The following CCDC32 variants were observed in gnomAD, a reference collection of about 807,000 sequenced individuals.
The protein encoded by CCDC32 is coiled-coil domain containing 32.
A neutral mutation model predicts 20.1 loss-of-function variants in CCDC32; 9 were observed. The ratio of observed to expected loss-of-function variants is 0.45; its 90% CI spans 0.27 to 0.78. The LOEUF is 0.78. Among genes scored for constraint, CCDC32 ranks in the 30% least tolerant of loss-of-function variants. The pLI is 0.16. For missense variants in CCDC32, 204 were observed against 215.5 expected (o/e 0.95, Z 0.33); for synonymous variants, 63 against 79.0 (o/e 0.80, Z 1.07).
intron 3 of CCDC32, among the ~76,000 whole-genome samples, chr15:40,541,367 C>CT (rs1366593091): frequency 6.7e-6 from 1 of 149,728 alleles, no homozygotes; most frequent in Non-Finnish European, 1.5e-5. Context: ...GAGTCTCGCT[C>CT]TGTCACCCAG....
downstream of CCDC32, chr15:40,535,159 T>G (rs1889057227): frequency 9.0e-7 from 1 of 1,110,996 alleles, no homozygotes; most frequent in Non-Finnish European, 1.3e-6. Flanking sequence ...TCAGGAAGAT[T>G]AACGTGACGG....
At chr15:40,544,525 A>G (rs1053137421) in intron 3 of CCDC32, among the ~76,000 whole-genome samples, 1 of 152,138 alleles carries the variant, frequency 6.6e-6, no homozygotes. Flanking sequence ...GCCCCCTGGC[A>G]TCTATTATAT....
chr15:40,527,853 A>G (rs1894918804), downstream of CCDC32, among the ~76,000 whole-genome samples: 1 of 152,208 alleles, frequency 6.6e-6, no homozygotes, highest in Non-Finnish European at 1.5e-5. Flanking sequence ...AAGAGTAAGA[A>G]ATACACTTCT....
intron 3 of CCDC32, among the ~76,000 whole-genome samples, chr15:40,546,535 T>A (rs1889626301): frequency 6.6e-6 from 1 of 151,906 alleles, no homozygotes; most frequent in African/African-American, 2.4e-5. Context: ...AAATTCCCTA[T>A]CTGTTCATGC....
At position 40,564,745 on chromosome 15, in the gene CCDC32, C is replaced by G. The variant is rs764200164; in HGVS notation, c.-13+231G>C. On this transcript the variant is annotated intron_variant, in intron 1 of 3. Transcript: ENST00000416810. ...CAACCCGAATTCGTCTAAAGCCACC[C>G]AAAACCAAAACTTTGCTCACACCAG... 4 of 1,614,042 alleles carry G rather than the reference C, an allele frequency of 2.5e-6. No individual in the cohort carries two copies. The African/African-American group carries it at 5.3e-5, about 22-fold the overall frequency.
At chr15:40,542,729 C>G (rs565953320) in intron 3 of CCDC32, among the ~76,000 whole-genome samples, 1 of 152,038 alleles carries the variant, frequency 6.6e-6, no homozygotes, top group East Asian at 1.9e-4. Flanking sequence ...ATTAGCCGGG[C>G]ATGGTGGCAG....
At chr15:40,522,111 G>GA in the CCDC32 span, among the ~76,000 whole-genome samples, 4 of 151,906 alleles carry the variant, frequency 2.6e-5, no homozygotes, top group African/African-American at 7.3e-5. Flanking sequence ...TAAAAAAAGA[G>GA]AAAAAAAGAA....
At chr15:40,525,876 A>C (rs74011173), downstream of CCDC32, among the ~76,000 whole-genome samples, 5,284 of 152,040 alleles carry the variant, frequency 0.035, 313 homozygotes, top group African/African-American at 0.12. Context: ...TTGGATGCTC[A>C]TACTTTGGTG....
At chr15:40,535,148 A>T (rs932050099), downstream of CCDC32, 2 of 1,036,222 alleles carry the variant, frequency 1.9e-6, no homozygotes, top group Non-Finnish European at 1.4e-6. Context: ...AGAGCTGTGC[A>T]TCAGGAAGAT....
intron 3 of CCDC32, 34 bp downstream of exon 3, chr15:40,557,182 G>T: frequency 1.3e-6 from 2 of 1,578,942 alleles, no homozygotes; most frequent in South Asian, 1.2e-5. Context: ...CATAAAGGAT[G>T]ATTTCAGCTG....
chr15:40,539,311 T>C, exon 4 of CCDC32: 1 of 1,535,544 alleles, frequency 6.5e-7, no homozygotes, highest in Non-Finnish European at 8.7e-7. Context: ...CCACGCTCCA[T>C]CCTCAGAAAA....
At chr15:40,552,800 C>CAAAAAAAAAAAAAAAAAAAAAAAAAAA (rs1889955088), downstream of CCDC32, 1 of 66,822 alleles carries the variant, frequency 1.5e-5, no homozygotes, top group Admixed American at 1.6e-4. Context: ...AAAAAAAAAG[C>CAAAAAAAAAAAAAAAAAAAAAAAAAAA]AAATGTTCTC....
At position 40,562,885 on chromosome 15, in the gene CCDC32, A is replaced by G; in HGVS notation, c.131T>C (p.Val44Ala). The change falls in exon 2 of 4, where the codon GTG becomes GCG. Residue 44 changes from valine (V) to alanine (A), a missense_variant. Transcript: ENST00000416810. ...GANNAFSDSF[V>A]DSCPEGEGQR... ...GCCTTCACCTTCAGGGCAAGAATCCACAAAGGAGTCTGAGAATGCATTGTT... is the reference window on the plus strand; with the variant it reads ...GCCTTCACCTTCAGGGCAAGAATCCGCAAAGGAGTCTGAGAATGCATTGTT... The G allele has an allele frequency of 1.2e-6, 2 of 1,614,234 alleles. No individual in the cohort carries two copies. The highest frequency in any genetic ancestry group is 1.7e-6 in the Non-Finnish European group (2 of 1,180,048).
the CCDC32 span, among the ~76,000 whole-genome samples, chr15:40,521,363 C>T: frequency 2.0e-5 from 3 of 152,288 alleles, no homozygotes; most frequent in South Asian, 2.1e-4. Context: ...GGTTCATCCA[C>T]GTTGTAGCAT....
rs2141631722 is a variant in CCDC32, at chr15:40,553,825, T to A, written c.*146A>T. On this transcript the variant is annotated 3_prime_UTR_variant, in exon 4 of 4. Transcript: ENST00000416810. The stretch of plus-strand genomic sequence containing the variant: ...TTTCTTTGTGGAGTGGAAATTTGGG[T>A]TTTTTCCTTCAGTGGATTTCTCCCT... 7.2e-7 allele frequency: 1 copy of A among 1,389,436 alleles called. No individual in the cohort carries two copies. Among genetic ancestry groups the A allele is most frequent in the Non-Finnish European group, 9.3e-7 (1 of 1,070,970 alleles). The allele number at this position is 1,389,436 out of a possible 1,614,324, so 86.1% of individuals were successfully genotyped here.
rs1890018994 is a variant in CCDC32, at chr15:40,553,641, G to A, written c.*330C>T. 1.3e-5 allele frequency: 14 copies of A among 1,081,456 alleles called. No homozygotes were observed. Among genetic ancestry groups the A allele is most frequent in the African/African-American group, 3.3e-5 (2 of 61,136 alleles). The allele number at this position is 1,081,456 out of a possible 1,614,324, so 67.0% of individuals were successfully genotyped here. On this transcript the variant is annotated 3_prime_UTR_variant, in exon 4 of 4. Transcript: ENST00000416810. The stretch of plus-strand genomic sequence containing the variant: ...AGTTTCTCCAAGTACTTTCACATTT[G>A]ATCTTTAGCAGACTTCTAACCTGCA...
In CCDC32 at chr15:40,553,173, C is replaced by G; in HGVS notation, c.*798G>C. 1 of 985,434 alleles carries G rather than the reference C, an allele frequency of 1.0e-6. No individual in the cohort carries two copies. Among genetic ancestry groups the G allele is most frequent in the Non-Finnish European group, 1.2e-6 (1 of 829,968 alleles). The allele number at this position is 985,434 out of a possible 1,614,324, so 61.0% of individuals were successfully genotyped here. A position where few individuals can be genotyped will look rare whatever the true frequency, so the allele number is the denominator to read the frequency against. On this transcript the variant is annotated 3_prime_UTR_variant, in exon 4 of 4. Coordinates refer to ENST00000416810, the MANE Select transcript of CCDC32 (RefSeq NM_001080792.4). ...ATAAACAGGGAGGGAAGCTCGGGCT[C>G]AGCCAGGAAACCTGCCACAAGGAAG...
At chr15:40,551,906 A>G (rs907836620), downstream of CCDC32, among the ~76,000 whole-genome samples, 1 of 151,570 alleles carries the variant, frequency 6.6e-6, no homozygotes, top group African/African-American at 2.4e-5. Context: ...TAATCCCAGC[A>G]CTTTGAGAGG....
chr15:40,526,974 G>A (rs971425752), downstream of CCDC32, among the ~76,000 whole-genome samples: 4 of 152,082 alleles, frequency 2.6e-5, no homozygotes, highest in Admixed American at 2.6e-4. Flanking sequence ...ACAGGGTCTT[G>A]CCAGAGCAGC....
Sources: allele counts gnomAD v4.1 joint callset (sites outside exome capture counted in the v4.1 genomes callset), GRCh38; gene constraint gnomAD v4.1.1; transcripts MANE v1.5; gene names NCBI Gene and HGNC (gene_info 2026-07-23, HGNC 2026-07-21).